PCDHGB4: variants seen among roughly 807,000 people sequenced by gnomAD.
The protein encoded by PCDHGB4 is protocadherin gamma-B4.
A neutral mutation model predicts 60.5 loss-of-function variants in PCDHGB4; 38 were observed. That is an observed-to-expected ratio of 0.63 (90% CI 0.48 to 0.82). The LOEUF (loss-of-function observed/expected upper bound fraction) is 0.82. Ranked by LOEUF, PCDHGB4 falls within the 40% of genes least tolerant of loss-of-function variation. PCDHGB4 has a pLI of 0.00. For missense variants in PCDHGB4, 1,109 were observed against 1,209.6 expected (o/e 0.92, Z 1.23); for synonymous variants, 456 against 509.7 (o/e 0.89, Z 1.42).
At chr5:141,460,546 C>A (rs182506898) in intron 1 of PCDHGB4, among the ~76,000 whole-genome samples, 51 of 152,152 alleles carry the variant, frequency 3.4e-4, no homozygotes, top group African/African-American at 1.1e-3. Context: ...GCACCTTAAT[C>A]AAAAATCATT....
Position 141,485,448 on chromosome 5 carries a change from G to A in PCDHGB4, c.2398-9359G>A. On this transcript the variant is annotated intron_variant, in intron 1 of 3. Coordinates refer to ENST00000519479, the MANE Select transcript of PCDHGB4 (RefSeq NM_003736.4). This position sits in a 1 kb window ranked among gnomAD's most constrained non-coding sequence, Gnocchi z 5.7. ...CTGCTCATCAAGAACCCAATCGACC[G>A]AGAGGCACTGTGTGGGCTCAGTGCC... is the stretch of plus-strand genomic sequence containing the variant. 1 of 1,614,154 alleles carries A rather than the reference G, an allele frequency of 6.2e-7. No homozygotes were observed.
At chr5:141,430,846 C>CCA in intron 1 of PCDHGB4, 1 of 1,576,346 alleles carries the variant, frequency 6.3e-7, no homozygotes, top group Non-Finnish European at 8.6e-7. Context: ...CCGGATGCAC[C>CCA]CAGATACGCT....
rs2099883574 is a variant in PCDHGB4, at chr5:141,511,027, C to T, written c.2626C>T (p.Leu876=). The change falls in exon 4 of 4, where the codon CTG becomes TTG. Residue 876 remains leucine (L), a synonymous_variant. Transcript: ENST00000519479. ...CGCCCGCTACGGACCCCAGTTCACCCTGCAGCACGTGCCCGACTACCGCCA... is the reference window on the plus strand; with the variant it reads ...CGCCCGCTACGGACCCCAGTTCACCTTGCAGCACGTGCCCGACTACCGCCA... The part of the protein sequence containing the change: ...LSARYGPQFT[L]QHVPDYRQNV... 2 of 1,614,230 alleles carry T rather than the reference C, an allele frequency of 1.2e-6. No individual in the cohort carries two copies. The highest frequency in any genetic ancestry group is 1.7e-6 in the Non-Finnish European group (2 of 1,180,034).
intron 1 of PCDHGB4, chr5:141,395,033 T>G: frequency 6.2e-7 from 1 of 1,614,140 alleles, no homozygotes; most frequent in Non-Finnish European, 8.5e-7. Context: ...CCTCACATTT[T>G]GTGGGTGTTG....
chr5:141,428,479 T>A (rs577865239), intron 1 of PCDHGB4: 1 of 328,682 alleles, frequency 3.0e-6, no homozygotes, highest in African/African-American at 2.1e-5. Flanking sequence ...TTTGCTTTAT[T>A]CCTGCAATCT....
In PCDHGB4 at chr5:141,415,152, C is replaced by G. The variant is rs758450562; in HGVS notation, c.2397+24871C>G. ...AGGACCACGGCCAGCCCCCTCTCTCCGCCACTGTCACGCTCACCGTGGCCG... is the reference window on the plus strand; with the variant it reads ...AGGACCACGGCCAGCCCCCTCTCTCGGCCACTGTCACGCTCACCGTGGCCG... On this transcript the variant is annotated intron_variant, in intron 1 of 3. Transcript: ENST00000519479. The G allele has an allele frequency of 1.9e-6, 3 of 1,613,812 alleles. No individual in the cohort carries two copies. In the Admixed American group the frequency reaches 5.0e-5, roughly 27 times the overall value.
At chr5:141,410,748 C>G in intron 1 of PCDHGB4, 1 of 1,245,396 alleles carries the variant, frequency 8.0e-7, no homozygotes, top group Non-Finnish European at 1.1e-6. Flanking sequence ...AATATTTTCT[C>G]AATGTTTTTT....
intron 1 of PCDHGB4, chr5:141,430,789 C>A (rs2097310124): frequency 6.6e-7 from 1 of 1,515,808 alleles, no homozygotes; most frequent in Non-Finnish European, 8.8e-7. Context: ...ACCGGGACTA[C>A]AAAGGGCTTG....
intron 2 of PCDHGB4, among the ~76,000 whole-genome samples, chr5:141,502,625 T>G (rs2099815384): frequency 6.6e-6 from 1 of 152,210 alleles, no homozygotes; most frequent in Admixed American, 6.5e-5. Context: ...ATAAGTAATC[T>G]GTGGATGATA....
chr5:141,421,404 G>A, intron 1 of PCDHGB4: 17 of 1,614,080 alleles, frequency 1.1e-5, no homozygotes, highest in Non-Finnish European at 1.4e-5. Flanking sequence ...AGCCCCGGGA[G>A]CTGGCGAAGC....
In PCDHGB4 at chr5:141,419,962, GCT is replaced by G. The variant is rs1374844110; in HGVS notation, c.2397+29684_2397+29685del. ...TGGTGGCCTTGGCCTTGATTTCTGTGCTCTTTCTCCTCGCGGTGATTCTAGCT... is the reference window on the plus strand; with the variant it reads ...TGGTGGCCTTGGCCTTGATTTCTGTGCTTTCTCCTCGCGGTGATTCTAGCT... On this transcript the variant is annotated intron_variant, in intron 1 of 3. Coordinates refer to ENST00000519479, the MANE Select transcript of PCDHGB4 (RefSeq NM_003736.4). The G allele has an allele frequency of 3.1e-6, 5 of 1,613,974 alleles. No homozygotes were observed. In the African/African-American group the frequency reaches 4.0e-5, roughly 13 times the overall value.
chr5:141,458,514 T>G (rs1338106276), intron 1 of PCDHGB4, among the ~76,000 whole-genome samples: 1 of 129,036 alleles, frequency 7.7e-6, no homozygotes, highest in African/African-American at 3.6e-5. Context: ...TGACACTTTG[T>G]TTTTTTTTTT....
chr5:141,425,478 G>A (rs2096877750), intron 1 of PCDHGB4, among the ~76,000 whole-genome samples: 1 of 152,148 alleles, frequency 6.6e-6, no homozygotes, highest in Admixed American at 6.5e-5. Flanking sequence ...AATTCCTATG[G>A]CAACCTACTA....
intron 1 of PCDHGB4, chr5:141,417,834 G>A (rs1382990900): frequency 2.0e-6 from 3 of 1,530,144 alleles, no homozygotes; most frequent in Middle Eastern, 3.5e-4. Context: ...GGAAAAGCGG[G>A]GACCCAGCGA....
rs1326296096 is a variant in PCDHGB4, at chr5:141,505,460, A to G, written c.2524A>G (p.Met842Val). The change falls in exon 3 of 4, where the codon ATG becomes GTG. Residue 842 changes from methionine to valine, a missense_variant. Transcript: ENST00000519479. Reference protein sequence around the residue: ...NQFDTEMLQAMILASASEAAD... With the variant: ...NQFDTEMLQAVILASASEAAD... ...GTTTGACACAGAGATGCTGCAAGCC[A>G]TGATCTTGGCGTCCGCCAGTGGTAA... 2 of 1,614,070 alleles carry G rather than the reference A, an allele frequency of 1.2e-6. No homozygotes were observed. The highest frequency in any genetic ancestry group is 1.3e-5 in the African/African-American group (1 of 74,942).
intron 1 of PCDHGB4, chr5:141,420,083 A>C (rs2096465782): frequency 2.5e-6 from 4 of 1,614,020 alleles, no homozygotes; most frequent in Non-Finnish European, 3.4e-6. Context: ...GGGTCCCCCC[A>C]ACTACAGTGA....
At chr5:141,410,767 G>T in intron 1 of PCDHGB4, 6 of 942,270 alleles carry the variant, frequency 6.4e-6, no homozygotes, top group South Asian at 2.2e-5. Context: ...TTCAATTATA[G>T]TTTTCACTAT....
At chr5:141,428,618 T>C (rs554092834) in intron 1 of PCDHGB4, 1 of 206,012 alleles carries the variant, frequency 4.9e-6, no homozygotes, top group African/African-American at 2.3e-5. Context: ...AATAACAAGA[T>C]AAGCTCTAAC....
intron 1 of PCDHGB4, chr5:141,422,091 G>C: frequency 6.2e-7 from 1 of 1,611,830 alleles, no homozygotes. Context: ...TGGAAAGCAA[G>C]GCTTCTGAAA....
Sources: allele counts gnomAD v4.1 joint callset (sites outside exome capture counted in the v4.1 genomes callset), GRCh38; gene constraint gnomAD v4.1.1; non-coding constraint Gnocchi (gnomAD v3.1); transcripts MANE v1.5; gene names NCBI Gene and HGNC (gene_info 2026-07-23, HGNC 2026-07-21).